TNS3: variants seen among roughly 807,000 people sequenced by gnomAD.
TNS3 encodes tensin-3.
In TNS3, 45 loss-of-function variants were observed where a neutral mutation model predicts 140.9. The ratio of observed to expected loss-of-function variants is 0.32; its 90% CI spans 0.25 to 0.41. TNS3 has a LOEUF of 0.41. Among genes scored for constraint, TNS3 ranks in the 10% least tolerant of loss-of-function variants. TNS3 has a pLI of 1.00. For synonymous variants in TNS3, 815 were observed against 788.4 expected, an observed-to-expected ratio of 1.03 and a Z score of -0.56; for missense variants, 1,716 against 1,906.7, an observed-to-expected ratio of 0.90 and a Z score of 1.86.
At chr7:47,400,515 G>A in intron 14 of TNS3, 57 bp from the exon 15 acceptor site, 1 of 1,563,756 alleles carries the variant, frequency 6.4e-7, no homozygotes, top group Non-Finnish European at 8.8e-7. Context: ...GGAAAAGTAT[G>A]GACTGACTTT....
chr7:47,384,350 C>G (rs1791950702), intron 16 of TNS3, among the ~76,000 whole-genome samples: 1 of 152,236 alleles, frequency 6.6e-6, no homozygotes, highest in Non-Finnish European at 1.5e-5. Context: ...ACTCATTTCT[C>G]TCTGGAAACT....
intron 20 of TNS3, among the ~76,000 whole-genome samples, chr7:47,327,320 T>G (rs1478023748): frequency 1.3e-5 from 2 of 152,244 alleles, no homozygotes; most frequent in East Asian, 1.9e-4. Context: ...CTCTCTTTGC[T>G]TGCTTCAACC....
chr7:47,435,499 T>G, intron 7 of TNS3, 95 bp from the exon 8 acceptor site: 27 of 1,566,292 alleles, frequency 1.7e-5, no homozygotes, highest in Non-Finnish European at 2.3e-5. Flanking sequence ...TACATTTCAT[T>G]TGGGAGTAAA....
chr7:47,545,498 A>T (rs1218787531), intron 1 of TNS3, among the ~76,000 whole-genome samples: 1 of 152,144 alleles, frequency 6.6e-6, no homozygotes, highest in African/African-American at 2.4e-5. Flanking sequence ...AGGAAGTTTA[A>T]CAACCTGCTC....
intron 23 of TNS3, 32 bp from the exon 24 acceptor site, chr7:47,297,245 C>G (rs146220770): frequency 2.5e-6 from 4 of 1,591,452 alleles, no homozygotes; most frequent in Non-Finnish European, 3.4e-6. Context: ...ACAAGAAGGT[C>G]TGCCGGGTGG....
At chr7:47,560,014 C>T (rs1800291223) in intron 1 of TNS3, among the ~76,000 whole-genome samples, 1 of 152,166 alleles carries the variant, frequency 6.6e-6, no homozygotes, top group Non-Finnish European at 1.5e-5. Flanking sequence ...ACCTGCTCCA[C>T]CCCCGCAGGA....
At chr7:47,411,573 C>G (rs557033780) in intron 13 of TNS3, among the ~76,000 whole-genome samples, 154 bp downstream of exon 13, 1 of 152,164 alleles carries the variant, frequency 6.6e-6, no homozygotes, top group South Asian at 2.1e-4. Flanking sequence ...CGTGGGGGAC[C>G]CCAGTGTTAA....
In TNS3 at chr7:47,415,182, G is replaced by A. The variant is rs759801926; in HGVS notation, c.498C>T (p.Leu166=). The change falls in exon 11 of 31, where the codon CTC becomes CTT. Residue 166 remains leucine, a synonymous_variant. Coordinates refer to ENST00000311160, the MANE Select transcript of TNS3 (RefSeq NM_022748.12). The stretch of plus-strand genomic sequence containing the variant: ...CATTCATTTTCACCGATCCGGACAG[G>A]AGCCCACTGAGGAACTGAACATACC... The part of the protein sequence containing the change: ...QKRYVQFLSG[L]LSGSVKMNAS... The A allele has an allele frequency of 3.7e-6, 6 of 1,609,612 alleles. No homozygotes were observed. The highest frequency in any genetic ancestry group is 5.1e-6 in the Non-Finnish European group (6 of 1,178,346).
At position 47,405,367 on chromosome 7, in the gene TNS3, A is replaced by C. The variant is rs188565765; in HGVS notation, c.724-4453T>G. 619 of 606,298 alleles carry C rather than the reference A, an allele frequency of 1.0e-3. 2 individuals are homozygous for C. The highest frequency in any genetic ancestry group is 9.9e-3 in the African/African-American group (540 of 54,310). The allele number at this position is 606,298 out of a possible 1,614,324, so 37.6% of individuals were successfully genotyped here. ...TCAATGCTCCACTGGTGGCCCAGGCAACTGTCTACGCAGGCCTCAAGGAAT... is the reference window on the plus strand; with the variant it reads ...TCAATGCTCCACTGGTGGCCCAGGCCACTGTCTACGCAGGCCTCAAGGAAT... On this transcript the variant is annotated intron_variant, in intron 13 of 30. Transcript: ENST00000311160.
intron 6 of TNS3, among the ~76,000 whole-genome samples, chr7:47,438,442 A>G (rs1795298749): frequency 6.6e-6 from 1 of 152,180 alleles, no homozygotes; most frequent in Non-Finnish European, 1.5e-5. Context: ...GGAAGGAGCC[A>G]TGGTCCTGCA....
At chr7:47,574,682 G>C (rs1172140427) in intron 1 of TNS3, among the ~76,000 whole-genome samples, 1 of 151,908 alleles carries the variant, frequency 6.6e-6, no homozygotes, top group Admixed American at 6.6e-5. Context: ...GCCTTAAAAA[G>C]AGAGAAATCG....
chr7:47,534,542 A>C (rs868778521), intron 1 of TNS3, among the ~76,000 whole-genome samples: 1 of 152,178 alleles, frequency 6.6e-6, no homozygotes. Context: ...AAATCAGATT[A>C]CCTGGAGGTT....
intron 2 of TNS3, among the ~76,000 whole-genome samples, chr7:47,525,897 C>A (rs1799173563): frequency 6.6e-6 from 1 of 152,216 alleles, no homozygotes; most frequent in Non-Finnish European, 1.5e-5. Flanking sequence ...AAACAGAGTT[C>A]ATTTGGAACC....
chr7:47,307,095 A>G (rs1312184320), intron 20 of TNS3, among the ~76,000 whole-genome samples: 1 of 152,208 alleles, frequency 6.6e-6, no homozygotes, highest in Non-Finnish European at 1.5e-5. Flanking sequence ...TCAGTTTGTC[A>G]TATGTAAACG....
chr7:47,382,093 AC>A (rs1791799415), intron 16 of TNS3, among the ~76,000 whole-genome samples: 1 of 152,190 alleles, frequency 6.6e-6, no homozygotes, highest in African/African-American at 2.4e-5. Context: ...AAATCAGACC[AC>A]TGCATCACAA....
At chr7:47,433,782 T>A (rs960430919) in intron 8 of TNS3, among the ~76,000 whole-genome samples, 1 of 152,124 alleles carries the variant, frequency 6.6e-6, no homozygotes, top group Non-Finnish European at 1.5e-5. Flanking sequence ...TGATGATCCA[T>A]CAATATCAGG....
intron 4 of TNS3, among the ~76,000 whole-genome samples, chr7:47,476,628 C>A (rs1283466832): frequency 6.6e-6 from 1 of 152,206 alleles, no homozygotes; most frequent in African/African-American, 2.4e-5. Context: ...TCATTCTGCT[C>A]GACTCATGGA....
chr7:47,524,442 G>C (rs906846825), intron 2 of TNS3, among the ~76,000 whole-genome samples: 9 of 152,188 alleles, frequency 5.9e-5, no homozygotes, highest in Non-Finnish European at 1.0e-4. Flanking sequence ...GGACACAGCA[G>C]GAGCAGGTGC....
intron 15 of TNS3, among the ~76,000 whole-genome samples, chr7:47,399,079 T>TG (rs1284133821): frequency 2.9e-4 from 10 of 34,698 alleles, no homozygotes; most frequent in Non-Finnish European, 2.4e-4. Context: ...TTACGACAGC[T>TG]GAAAAAAAAA....
Sources: allele counts gnomAD v4.1 joint callset (sites outside exome capture counted in the v4.1 genomes callset), GRCh38; gene constraint gnomAD v4.1.1; transcripts MANE v1.5; gene names NCBI Gene and HGNC (gene_info 2026-07-23, HGNC 2026-07-21).